SPG11: variants seen among roughly 807,000 people sequenced by gnomAD.
SPG11 encodes SPG11 vesicle trafficking associated, spatacsin.
SPG11 carries 222 observed loss-of-function variants against 274.0 expected under a neutral mutation model. The ratio of observed to expected loss-of-function variants is 0.81; its 90% confidence interval spans 0.73 to 0.91. The LOEUF (loss-of-function observed/expected upper bound fraction) is 0.91. Among genes scored for constraint, SPG11 ranks in the 40% least tolerant of loss-of-function variants. SPG11 has a pLI of 0.00. For missense variants in SPG11, 3,114 were observed against 2,872.7 expected (o/e 1.08, Z -1.92); for synonymous variants, 1,144 against 1,039.7 (o/e 1.10, Z -1.93).
rs1204013415 is a variant in SPG11, at chr15:44,663,505, C to CG, written c.142dup (p.Arg48ProfsTer47). 6.3e-7 allele frequency: 1 copy of CG among 1,594,106 alleles called. No homozygotes were observed. Among genetic ancestry groups the CG allele is most frequent in the East Asian group, 2.3e-5 (1 of 43,884 alleles). On this transcript the variant is annotated frameshift_variant, in exon 1 of 40. Coordinates refer to ENST00000261866, the MANE Select transcript of SPG11 (RefSeq NM_025137.4). LOFTEE classifies it high-confidence loss of function. ...GCTCCCCAGAGCCTCCGGCTGTGTG[C>CG]GCAGCTGCGCCCGGGAGCCGAGCTG...
chr15:44,644,023 C>T (rs1456473098), intron 7 of SPG11, among the ~76,000 whole-genome samples: 4 of 151,882 alleles, frequency 2.6e-5, no homozygotes, highest in South Asian at 4.2e-4. Context: ...AAAAATTAGC[C>T]GGGTGTGGTG....
Position 44,596,859 on chromosome 15 carries a change from A to C in SPG11, c.4086T>G (p.Leu1362=). 6.2e-7 allele frequency: 1 copy of C among 1,613,942 alleles called. No homozygotes were observed. The highest frequency in any genetic ancestry group is 8.5e-7 in the Non-Finnish European group (1 of 1,179,976). ...LHNMKLSISY[L]RECAKANDWL... ...AATCATTTGCTTTGGCACATTCTCT[A>C]AGGTAAGATATGCTTAGTTTCATAT... Residue 1362 remains leucine (L), a synonymous_variant, in exon 24 of 40, where the codon CTT becomes CTG. Transcript: ENST00000261866.
rs774111800 is a variant in SPG11, at chr15:44,598,323, ATTC to A, written c.3940_3942del (p.Glu1314del). ...GTACCTTCTTCTAAGAGAACAAGCAATTCTTCTGTGGTTGTCTTTTCACCATCA... is the reference window on the plus strand; with the variant it reads ...GTACCTTCTTCTAAGAGAACAAGCAATTCTGTGGTTGTCTTTTCACCATCA... On this transcript the variant is annotated inframe_deletion, in exon 23 of 40. Transcript: ENST00000261866. The A allele has an allele frequency of 6.8e-6, 11 of 1,614,150 alleles. No homozygotes were observed. Among genetic ancestry groups the A allele is most frequent in the Admixed American group, 5.0e-5 (3 of 60,032 alleles).
chr15:44,603,712 C>A (rs2083251455), intron 20 of SPG11, among the ~76,000 whole-genome samples: 1 of 152,154 alleles, frequency 6.6e-6, no homozygotes, highest in Admixed American at 6.5e-5. Flanking sequence ...GAAGGATGCT[C>A]AAGTCCCTGT....
chr15:44,633,533 A>G lies in SPG11; in HGVS notation c.1707T>C (p.Asp569=). 1 of 1,607,066 alleles carries G rather than the reference A, an allele frequency of 6.2e-7. No individual in the cohort carries two copies. The highest frequency in any genetic ancestry group is 8.5e-7 in the Non-Finnish European group (1 of 1,174,572). ...SSKSSVSDQF[D]HLSSHLYLRN... ...TTAAATATAAATGGGATGACAAGTG[A>G]TCAAACTGATCAGATACAGAAGATT... is the stretch of plus-strand genomic sequence containing the variant. The change falls in exon 8 of 40, where the codon GAT becomes GAC. Residue 569 remains aspartate, a synonymous_variant. Transcript: ENST00000261866.
chr15:44,578,220 G>C lies in SPG11; in HGVS notation c.5867-3179C>G, dbSNP rs1218215134. On this transcript the variant is annotated intron_variant, in intron 30 of 39. Transcript: ENST00000261866. ...TTTTTTTTTTTTTGTATTTTTAGTAGAGATGGGGTTTCACTGTGTTAGCCA... is the reference window on the plus strand; with the variant it reads ...TTTTTTTTTTTTTGTATTTTTAGTACAGATGGGGTTTCACTGTGTTAGCCA... 5.5e-5 allele frequency among the ~76,000 whole-genome samples: 8 copies of C among 146,482 alleles called. No homozygotes were observed. The East Asian group carries it at 1.4e-3, about 26-fold the overall frequency.
Position 44,567,502 on chromosome 15 carries a change from T to C in SPG11, c.6676A>G (p.Ser2226Gly), listed in dbSNP as rs1275301192. The C allele has an allele frequency of 3.1e-6, 5 of 1,613,982 alleles. No individual in the cohort carries two copies. Among genetic ancestry groups the C allele is most frequent in the Non-Finnish European group, 3.4e-6 (4 of 1,180,034 alleles). The change falls in exon 36 of 40, where the codon AGC (serine) becomes GGC (glycine). Residue 2226 changes from serine (S) to glycine (G), a missense_variant. Physicochemically the swap from Ser to Gly is moderately conservative, Grantham distance 56. Transcript: ENST00000261866. Reference protein sequence around the residue: ...EKHNMIALCFSMCREIGENHE... With the variant: ...EKHNMIALCFGMCREIGENHE... The stretch of plus-strand genomic sequence containing the variant: ...TTCTCGCCAATCTCCCGGCACATGC[T>C]GAAGCACAGGGCAATCATATTGTGC...
At chr15:44,642,057 T>G (rs75231500) in intron 7 of SPG11, among the ~76,000 whole-genome samples, 3,552 of 151,456 alleles carry the variant, frequency 0.023, 55 homozygotes, top group Middle Eastern at 0.048. Flanking sequence ...AAAAAAATCA[T>G]GTTGAGTCTC....
chr15:44,613,677 CTT>C, intron 16 of SPG11, 141 bp from the exon 17 acceptor site: 1 of 607,768 alleles, frequency 1.6e-6, no homozygotes, highest in Admixed American at 2.8e-5. Flanking sequence ...TACTCCCACT[CTT>C]GTGTTGTATT....
intron 29 of SPG11, among the ~76,000 whole-genome samples, chr15:44,585,227 T>A (rs2140948776): frequency 6.6e-6 from 1 of 152,160 alleles, no homozygotes; most frequent in Middle Eastern, 3.4e-3. Flanking sequence ...TTATCTCCTA[T>A]AAATTATACA....
rs147007172 is a variant in SPG11, at chr15:44,579,619, T to C, written c.5866+4195A>G. ...CTAGCTAGCATTAAAATGATGCAAA[T>C]GTTAAAATCATCTGACAAAGAATTT... is the stretch of plus-strand genomic sequence containing the variant. On this transcript the variant is annotated intron_variant, in intron 30 of 39. Coordinates refer to ENST00000261866, the MANE Select transcript of SPG11 (RefSeq NM_025137.4). 7.6e-3 allele frequency among the ~76,000 whole-genome samples: 1,135 copies of C among 148,372 alleles called. 17 individuals carry two copies. The highest frequency in any genetic ancestry group is 0.026 in the African/African-American group (1,050 of 40,228).
At chr15:44,632,875 T>C (rs903877061) in intron 8 of SPG11, among the ~76,000 whole-genome samples, 3 of 152,172 alleles carry the variant, frequency 2.0e-5, no homozygotes, top group Admixed American at 2.0e-4. Flanking sequence ...TCTCAGATGG[T>C]TGCAAGGGCA....
rs1482937350 is a variant in SPG11 at position 44,660,312 on chromosome 15, G to A, written c.442+120C>T. 9.8e-6 allele frequency: 8 copies of A among 817,228 alleles called. No homozygotes were observed. In the Admixed American group the frequency reaches 1.4e-4, roughly 14 times the overall value. The allele number at this position is 817,228 out of a possible 1,614,324, so 50.6% of individuals were successfully genotyped here. On this transcript the variant is annotated intron_variant, in intron 2 of 39. Coordinates refer to ENST00000261866, the MANE Select transcript of SPG11 (RefSeq NM_025137.4). The stretch of plus-strand genomic sequence containing the variant: ...AGTGCTCAATAGCCCCATCTGCCTA[G>A]TGACTACTATATCAGACAGCGTAGA...
In SPG11 at chr15:44,608,565, A is replaced by C; in HGVS notation, c.3332T>G (p.Val1111Gly). 1 of 1,614,116 alleles carries C rather than the reference A, an allele frequency of 6.2e-7. No individual in the cohort carries two copies. The highest frequency in any genetic ancestry group is 1.3e-5 in the African/African-American group (1 of 75,036). ...NEENENCLKK[V>G]DPQLLKMALT... ...TGCCATCTTCAATAGCTGGGGATCC[A>C]CTTTCTTCAAACAGTTTTCATTTTC... The change falls in exon 19 of 40, where the codon GTG (valine) becomes GGG (glycine). Residue 1111 changes from valine (V) to glycine (G), a missense_variant. By Grantham distance (109) the Val-to-Gly change is moderately radical. Coordinates refer to ENST00000261866, the MANE Select transcript of SPG11 (RefSeq NM_025137.4).
At chr15:44,663,274 C>G in intron 1 of SPG11, 117 bp downstream of exon 1, 1 of 1,394,516 alleles carries the variant, frequency 7.2e-7, no homozygotes, top group Non-Finnish European at 9.9e-7. Context: ...GCAGCTGGCA[C>G]CCTTCTCCCG....
intron 7 of SPG11, among the ~76,000 whole-genome samples, chr15:44,640,094 C>T (rs535480434): frequency 6.6e-6 from 1 of 152,236 alleles, no homozygotes; most frequent in African/African-American, 2.4e-5. Flanking sequence ...CCTGTAGTCC[C>T]AGCTACCTGG....
At chr15:44,571,924 T>C (rs375685589) in intron 33 of SPG11, among the ~76,000 whole-genome samples, 2 of 152,328 alleles carry the variant, frequency 1.3e-5, no homozygotes, top group East Asian at 3.9e-4. Context: ...CTCAAGTAGC[T>C]GGGACTACAG....
In SPG11 at chr15:44,629,238, G is replaced by A; in HGVS notation, c.1886C>T (p.Thr629Ile). The change falls in exon 9 of 40, where the codon ACT becomes ATT. Residue 629 changes from threonine to isoleucine, a missense_variant. By Grantham distance (89) the Thr-to-Ile change is moderately conservative. Coordinates refer to ENST00000261866, the MANE Select transcript of SPG11 (RefSeq NM_025137.4). ...TTCCTAGCTGCTATTCTTACCTTCA[G>A]TGTGAATGAAAAGCTCCTTTATTTG... ...NNQIKELFIH[T>I]EELDEHLQKG... 3 of 1,613,956 alleles carry A rather than the reference G, an allele frequency of 1.9e-6. No individual in the cohort carries two copies. Among genetic ancestry groups the A allele is most frequent in the African/African-American group, 1.3e-5 (1 of 75,024 alleles).
At position 44,633,324 on chromosome 15, in the gene SPG11, CAAAAAAAAAAAAAAAAAAAA is replaced by C. The variant is rs531787427; in HGVS notation, c.1735+161_1735+180del. 728 of 108,812 alleles carry C rather than the reference CAAAAAAAAAAAAAAAAAAAA, an allele frequency of 6.7e-3. 3 individuals are homozygous for C. The highest frequency in any genetic ancestry group is 0.011 in the Admixed American group (49 of 4,462). The allele number at this position is 108,812 out of a possible 1,614,324, so 6.7% of individuals were successfully genotyped here. A position where few individuals can be genotyped will look rare whatever the true frequency, so the allele number is the denominator to read the frequency against. The stretch of plus-strand genomic sequence containing the variant: ...TAGGCAACAGAGTGAGACTCTGTCT[CAAAAAAAAAAAAAAAAAAAA>C]AAAAAAAAAAAAAAAAAAGAAAGTT... On this transcript the variant is annotated intron_variant, in intron 8 of 39. Transcript: ENST00000261866.
Sources: allele counts gnomAD v4.1 joint callset (sites outside exome capture counted in the v4.1 genomes callset), GRCh38; gene constraint gnomAD v4.1.1; transcripts MANE v1.5; gene names NCBI Gene and HGNC (gene_info 2026-07-23, HGNC 2026-07-21).